The following MTUS2 variants were observed in gnomAD, a reference collection of about 807,000 sequenced individuals.
MTUS2 encodes the protein microtubule-associated tumor suppressor candidate 2.
Under a neutral mutation model 114.1 loss-of-function variants are expected in MTUS2, and 40 were observed. The observed-to-expected ratio is 0.35, with a 90% CI of 0.27 to 0.46. The LOEUF (loss-of-function observed/expected upper bound fraction) is 0.46, where lower values mean the gene tolerates loss of function less well. Among genes scored for constraint, MTUS2 ranks in the 20% least tolerant of loss-of-function variants. MTUS2 has a pLI of 1.00. For missense variants in MTUS2, 1,679 were observed against 1,705.4 expected (o/e 0.98, Z 0.27); for synonymous variants, 688 against 672.0 (o/e 1.02, Z -0.37).
chr13:29,331,481 C>A (rs762932857), intron 7 of MTUS2, among the ~76,000 whole-genome samples: 12 of 152,010 alleles, frequency 7.9e-5, no homozygotes, highest in Non-Finnish European at 1.3e-4. Flanking sequence ...TCATATGGAA[C>A]CAAAAAAGAG....
chr13:29,488,058 C>T, intron 11 of MTUS2, 53 bp downstream of exon 11: 1 of 1,388,112 alleles, frequency 7.2e-7, no homozygotes, highest in Non-Finnish European at 1.0e-6. Flanking sequence ...CAATCCGAGC[C>T]TTTCCTGCTG....
chr13:29,027,579 T>C (rs887316674), intron 3 of MTUS2, among the ~76,000 whole-genome samples: 1 of 152,164 alleles, frequency 6.6e-6, no homozygotes, highest in Non-Finnish European at 1.5e-5. Flanking sequence ...TGAGATGAAG[T>C]CTCGCTCTGT....
rs966572232 is a variant in MTUS2, at chr13:29,366,206, C to T, written c.3117+6733C>T. ...GAGGTTTAATGAACTCACAGTTCCA[C>T]GTGGCTGGGAAGGCCTCACAATCAT... On this transcript the variant is annotated intron_variant, in intron 8 of 15. Transcript: ENST00000612955. 2.7e-4 allele frequency among the ~76,000 whole-genome samples: 41 copies of T among 152,182 alleles called. 1 individual carries two copies. The highest frequency in any genetic ancestry group is 2.6e-3 in the Admixed American group (40 of 15,278).
At position 29,293,341 on chromosome 13, in the gene MTUS2, T is replaced by A. The variant is rs570313584; in HGVS notation, c.2806+11476T>A. ...AAAGTGGTCAATGGCTATAAACATA[T>A]GAAAAGATATTCAAATTTACTAATA... is the stretch of plus-strand genomic sequence containing the variant. On this transcript the variant is annotated intron_variant, in intron 6 of 15. Coordinates refer to ENST00000612955, the MANE Select transcript of MTUS2 (RefSeq NM_001033602.4). 2.0e-5 allele frequency among the ~76,000 whole-genome samples: 3 copies of A among 152,306 alleles called. No homozygotes were observed. The East Asian group carries it at 5.8e-4, about 29-fold the overall frequency.
At chr13:28,933,447 T>C (rs1367560388) in intron 2 of MTUS2, among the ~76,000 whole-genome samples, 2 of 152,134 alleles carry the variant, frequency 1.3e-5, no homozygotes, top group East Asian at 3.8e-4. Flanking sequence ...TATGAAAGGG[T>C]CATTAGCTTT....
Position 29,196,639 on chromosome 13 carries a change from C to T in MTUS2, c.2645-85065C>T, listed in dbSNP as rs183184940. 5.3e-5 allele frequency among the ~76,000 whole-genome samples: 8 copies of T among 152,218 alleles called. No homozygotes were observed. The East Asian group carries it at 1.5e-3, about 29-fold the overall frequency. ...CCTTTCATTGCCTCCTCCTCCACTC[C>T]CTGGCAACCACCATGCTACTATGTC... On this transcript the variant is annotated intron_variant, in intron 5 of 15. Coordinates refer to ENST00000612955, the MANE Select transcript of MTUS2 (RefSeq NM_001033602.4).
rs1018079745 is a variant in MTUS2 at position 29,334,225 on chromosome 13, T to C, written c.2905+9514T>C. Among the ~76,000 whole-genome samples, 45 of 152,186 alleles carry C rather than the reference T, an allele frequency of 3.0e-4. 1 individual carries two copies. The highest frequency in any genetic ancestry group is 1.0e-3 in the African/African-American group (42 of 41,456). ...TTTACATTTAAGGTTAATATTATTA[T>C]GTGTGAATTTGATCCTGTCATTATG... On this transcript the variant is annotated intron_variant, in intron 7 of 15. Transcript: ENST00000612955.
Position 29,243,645 on chromosome 13 carries a change from G to A in MTUS2, c.2645-38059G>A, listed in dbSNP as rs545850033. ...CAGATTTGAGAATACTTACACACTT[G>A]GGGTAGGGAGCCCAGAAAGGAGAAG... On this transcript the variant is annotated intron_variant, in intron 5 of 15. Transcript: ENST00000612955. Among the ~76,000 whole-genome samples the A allele has an allele frequency of 2.6e-5, 4 of 152,262 alleles. No homozygotes were observed. The South Asian group carries it at 8.3e-4, about 32-fold the overall frequency.
rs980024815 is a variant in MTUS2 at position 29,038,929 on chromosome 13, G to A, written c.2446+4804G>A. On this transcript the variant is annotated intron_variant, in intron 4 of 15. Coordinates refer to ENST00000612955, the MANE Select transcript of MTUS2 (RefSeq NM_001033602.4). The stretch of plus-strand genomic sequence containing the variant: ...AGGCTGCGGGCGGGCCTGGGGTGCC[G>A]GGCCTTCCAAAGCCACCACTTCATG... Among the ~76,000 whole-genome samples the A allele has an allele frequency of 2.6e-5, 4 of 152,286 alleles. No individual in the cohort carries two copies. In the East Asian group the frequency reaches 7.8e-4, roughly 30 times the overall value.
intron 9 of MTUS2, among the ~76,000 whole-genome samples, chr13:29,468,746 T>C (rs1880066377): frequency 6.6e-6 from 1 of 152,198 alleles, no homozygotes; most frequent in Non-Finnish European, 1.5e-5. Flanking sequence ...GCTTCACCCA[T>C]CTTTGCAATA....
chr13:29,182,216 C>T (rs1361952304), intron 5 of MTUS2, among the ~76,000 whole-genome samples: 3 of 152,196 alleles, frequency 2.0e-5, no homozygotes, highest in African/African-American at 7.2e-5. Context: ...CTCTCTTTCT[C>T]ACACCCAGTA....
chr13:28,929,786 G>T (rs78225158), intron 2 of MTUS2, among the ~76,000 whole-genome samples: 5,040 of 152,322 alleles, frequency 0.033, 110 homozygotes, highest in Middle Eastern at 0.058. Flanking sequence ...CTACCTTGGT[G>T]GTCCTGGCAG....
At chr13:29,029,066 A>G (rs558540425) in intron 3 of MTUS2, among the ~76,000 whole-genome samples, 137 of 152,348 alleles carry the variant, frequency 9.0e-4, no homozygotes, top group African/African-American at 3.1e-3. Context: ...ATCACTGACG[A>G]GGTGCCCCAA....
At chr13:28,865,306 C>T (rs1769556447) in intron 2 of MTUS2, among the ~76,000 whole-genome samples, 2 of 152,148 alleles carry the variant, frequency 1.3e-5, no homozygotes, top group Non-Finnish European at 1.5e-5. Flanking sequence ...TTTAAAGAAA[C>T]ATCGCTTCAG....
chr13:29,424,055 T>G (rs59290921), intron 8 of MTUS2, among the ~76,000 whole-genome samples: 22,989 of 149,458 alleles, frequency 0.15, 2,593 homozygotes, highest in East Asian at 0.5. Flanking sequence ...TTAGTAGAGA[T>G]GGGGTTTCAC....
At chr13:29,363,167 C>T (rs911231510) in intron 8 of MTUS2, among the ~76,000 whole-genome samples, 1 of 152,082 alleles carries the variant, frequency 6.6e-6, no homozygotes, top group Non-Finnish European at 1.5e-5. Context: ...TGTGGTTCCC[C>T]GTAATGCTAC....
At chr13:29,429,000 C>T (rs997462675) in intron 8 of MTUS2, 62 of 1,155,362 alleles carry the variant, frequency 5.4e-5, no homozygotes, top group South Asian at 1.0e-4. Flanking sequence ...CATGCGTGTG[C>T]GCTTTGTTGG....
intron 4 of MTUS2, among the ~76,000 whole-genome samples, chr13:29,093,070 C>G (rs1890033793): frequency 6.6e-6 from 1 of 152,094 alleles, no homozygotes; most frequent in Admixed American, 6.6e-5. Context: ...AACAGCTTTC[C>G]CCGATATGGG....
Position 29,105,115 on chromosome 13 carries a change from T to A in MTUS2, c.2644+4145T>A, listed in dbSNP as rs139791982. The stretch of plus-strand genomic sequence containing the variant: ...GCATTTTGGATTTTGGATTTTGGGG[T>A]TTGAGTTGCTCAACTGGTATAATAA... On this transcript the variant is annotated intron_variant, in intron 5 of 15. Transcript: ENST00000612955. Among the ~76,000 whole-genome samples the A allele has an allele frequency of 5.5e-3, 841 of 152,272 alleles. 9 individuals are homozygous for A. The highest frequency in any genetic ancestry group is 0.019 in the African/African-American group (802 of 41,538).
Sources: gnomAD v4.1 joint callset for allele counts (sites outside exome capture counted in the v4.1 genomes callset) on GRCh38, gnomAD v4.1.1 for gene constraint, MANE v1.5 for transcripts, NCBI Gene and HGNC (gene_info 2026-07-23, HGNC 2026-07-21) for gene names.